The following SLC26A5 variants were observed in gnomAD, a reference collection of about 807,000 sequenced individuals.
SLC26A5 encodes prestin.
A neutral mutation model predicts 81.0 loss-of-function variants in SLC26A5; 51 were observed. The observed-to-expected ratio is 0.63, with a 90% CI of 0.50 to 0.80. The LOEUF (loss-of-function observed/expected upper bound fraction) is 0.80, where lower values mean the gene tolerates loss of function less well. Among genes scored for constraint, SLC26A5 ranks in the 30% least tolerant of loss-of-function variants. The probability of loss-of-function intolerance (pLI) is 0.00; values close to 1 mark genes in which losing one functional copy is unlikely to be tolerated. For synonymous variants in SLC26A5, 325 were observed against 332.8 expected (o/e 0.98, Z 0.25); for missense variants, 771 against 905.8 (o/e 0.85, Z 1.91).
At chr7:103,371,779 T>C (rs1339051955), downstream of SLC26A5, among the ~76,000 whole-genome samples, 1 of 147,796 alleles carries the variant, frequency 6.8e-6, no homozygotes, top group Non-Finnish European at 1.5e-5. Flanking sequence ...CACTGCAACC[T>C]CCGCCTCCTG....
Position 103,411,522 on chromosome 7 carries a change from T to A in SLC26A5, c.468A>T (p.Ile156=). The change falls in exon 6 of 20, where the codon ATA becomes ATT. Residue 156 remains isoleucine (I), a synonymous_variant. Transcript: ENST00000306312. ...TTGCATTTACTCCTCCTGGAATGAC[T>A]ATATCATCTGGTACTAATCGAACAG... ...GVAVRLVPDD[I]VIPGGVNATN... 1 of 1,614,186 alleles carries A rather than the reference T, an allele frequency of 6.2e-7. No homozygotes were observed.
At chr7:103,425,806 T>C (rs545960568) in intron 2 of SLC26A5, among the ~76,000 whole-genome samples, 23 of 152,204 alleles carry the variant, frequency 1.5e-4, no homozygotes, top group Non-Finnish European at 2.9e-4. Flanking sequence ...TGGCTGCACA[T>C]TGGAGTCACC....
chr7:103,355,844 C>A, intron 19 of SLC26A5: 1 of 1,337,750 alleles, frequency 7.5e-7, no homozygotes, highest in South Asian at 1.2e-5. Flanking sequence ...TTTTCAAGCA[C>A]TTAATGTTAG....
chr7:103,428,558 CTTTTTTTTTT>C (rs10592922), intron 2 of SLC26A5, among the ~76,000 whole-genome samples: 1 of 118,086 alleles, frequency 8.5e-6, no homozygotes, highest in Admixed American at 8.6e-5. Context: ...CCTGCCAGTA[CTTTTTTTTTT>C]TTTTTTTTTT....
At chr7:103,415,686 C>T (rs992449936) in intron 4 of SLC26A5, among the ~76,000 whole-genome samples, 4 of 152,110 alleles carry the variant, frequency 2.6e-5, no homozygotes, top group African/African-American at 9.7e-5. Flanking sequence ...ATTGTGTTTA[C>T]CTTTCAGCTT....
intron 8 of SLC26A5, among the ~76,000 whole-genome samples, chr7:103,406,509 A>T (rs1173811516): frequency 1.3e-5 from 2 of 152,116 alleles, no homozygotes. Context: ...TGTGGGCTGC[A>T]TCCATTGTCT....
chr7:103,429,899 A>G (rs75896500), intron 2 of SLC26A5, among the ~76,000 whole-genome samples: 169 of 152,256 alleles, frequency 1.1e-3, no homozygotes, highest in African/African-American at 3.7e-3. Flanking sequence ...CTTCTTTTAT[A>G]TTAGGTTGGT....
chr7:103,371,695 ATT>A (rs72068482), downstream of SLC26A5, among the ~76,000 whole-genome samples: 99 of 127,000 alleles, frequency 7.8e-4, no homozygotes, highest in African/African-American at 2.2e-3. Flanking sequence ...ATGTGCAATA[ATT>A]TTTTTTTTTT....
At chr7:103,429,691 G>C (rs976162615) in intron 2 of SLC26A5, among the ~76,000 whole-genome samples, 1 of 152,128 alleles carries the variant, frequency 6.6e-6, no homozygotes, top group Non-Finnish European at 1.5e-5. Context: ...AAGAGCAAAA[G>C]GCCCTAAGAC....
rs556000696 is a variant in SLC26A5 at position 103,420,236 on chromosome 7, T to C, written c.292+502A>G. ...AAGTGGTAAGATAATGCCCAAGCAG[T>C]GTACTGATCTGCAAAGTAGTAACAC... On this transcript the variant is annotated intron_variant, in intron 4 of 19. Transcript: ENST00000306312. 1.8e-4 allele frequency among the ~76,000 whole-genome samples: 27 copies of C among 151,510 alleles called. 2 individuals carry two copies. The South Asian group carries it at 4.2e-3, about 23-fold the overall frequency.
chr7:103,421,678 GC>G, intron 2 of SLC26A5, 111 bp from the exon 3 acceptor site: 1 of 706,446 alleles, frequency 1.4e-6, no homozygotes, highest in Non-Finnish European at 2.4e-6. Context: ...TTCTTTGGAC[GC>G]CCCAGAGGAC....
chr7:103,401,469 C>T (rs1269167114), intron 8 of SLC26A5, among the ~76,000 whole-genome samples: 2 of 152,132 alleles, frequency 1.3e-5, no homozygotes, highest in African/African-American at 2.4e-5. Flanking sequence ...GGGGCTGATA[C>T]GAAGGGTTTT....
chr7:103,373,767 TCTTA>T (rs530396684), downstream of SLC26A5, among the ~76,000 whole-genome samples: 191 of 152,322 alleles, frequency 1.3e-3, 2 homozygotes, highest in African/African-American at 4.1e-3. Flanking sequence ...ATAGATGTGG[TCTTA>T]CTTTGGTTAA....
At chr7:103,398,757 G>A (rs941277215) in intron 8 of SLC26A5, among the ~76,000 whole-genome samples, 3 of 152,128 alleles carry the variant, frequency 2.0e-5, no homozygotes, top group Non-Finnish European at 4.4e-5. Flanking sequence ...ATTAGAGCTG[G>A]CCAGGGAAGG....
At chr7:103,442,382 C>T (rs1826946864) in intron 2 of SLC26A5, among the ~76,000 whole-genome samples, 1 of 152,108 alleles carries the variant, frequency 6.6e-6, no homozygotes, top group South Asian at 2.1e-4. Context: ...AAATGGTACA[C>T]CCTCCTCGGT....
At chr7:103,362,596 A>C in intron 19 of SLC26A5, 1 of 1,464,358 alleles carries the variant, frequency 6.8e-7, no homozygotes, top group Non-Finnish European at 9.4e-7. Context: ...TTGTTTTCTT[A>C]AAGTATGGTT....
intron 2 of SLC26A5, among the ~76,000 whole-genome samples, chr7:103,422,441 G>A (rs1013737327): frequency 6.6e-6 from 1 of 152,026 alleles, no homozygotes; most frequent in Non-Finnish European, 1.5e-5. Context: ...AGGCACAGTT[G>A]AATACTGAGA....
intron 5 of SLC26A5, among the ~76,000 whole-genome samples, chr7:103,411,898 C>CA (rs1298972461): frequency 4.6e-5 from 7 of 152,146 alleles, no homozygotes; most frequent in African/African-American, 1.7e-4. Context: ...TGTTAGTAAT[C>CA]AAAAGAATGC....
chr7:103,354,328 G>A (rs1314894506), intron 19 of SLC26A5, among the ~76,000 whole-genome samples: 1 of 150,806 alleles, frequency 6.6e-6, no homozygotes, highest in Non-Finnish European at 1.5e-5. Context: ...AAGTTTTAAT[G>A]CATAGAAATC....
Sources: allele counts gnomAD v4.1 joint callset (sites outside exome capture counted in the v4.1 genomes callset), GRCh38; gene constraint gnomAD v4.1.1; transcripts MANE v1.5; gene names NCBI Gene and HGNC (gene_info 2026-07-23, HGNC 2026-07-21).